ROBO2: variants seen among roughly 807,000 people sequenced by gnomAD.
ROBO2 encodes roundabout guidance receptor 2.
Under a neutral mutation model 160.8 loss-of-function variants are expected in ROBO2, and 53 were observed. That is an observed-to-expected ratio of 0.33 (90% CI 0.26 to 0.41). ROBO2 has a LOEUF of 0.41. Among genes scored for constraint, ROBO2 ranks in the 10% least tolerant of loss-of-function variants. The probability of loss-of-function intolerance (pLI) is 1.00; values close to 1 mark genes in which losing one functional copy is unlikely to be tolerated. For missense variants in ROBO2, 1,577 were observed against 1,722.4 expected, an observed-to-expected ratio of 0.92 and a Z score of 1.49; for synonymous variants, 664 against 611.7, an observed-to-expected ratio of 1.09 and a Z score of -1.26.
At chr3:77,627,566 A>G (rs1353356593) in intron 23 of ROBO2, among the ~76,000 whole-genome samples, 1 of 151,966 alleles carries the variant, frequency 6.6e-6, no homozygotes, top group African/African-American at 2.4e-5. Flanking sequence ...ATTACAGATG[A>G]TTACACATCC....
At chr3:75,937,083 A>G (rs1211049845) in intron 1 of ROBO2, among the ~76,000 whole-genome samples, 2 of 152,140 alleles carry the variant, frequency 1.3e-5, no homozygotes, top group Non-Finnish European at 2.9e-5. Context: ...CCTTTTGTAT[A>G]TATGTAGAGA....
chr3:76,201,627 T>A (rs759255571), intron 2 of ROBO2, among the ~76,000 whole-genome samples: 1 of 152,046 alleles, frequency 6.6e-6, no homozygotes, highest in African/African-American at 2.4e-5. Context: ...CTCTTCCCCA[T>A]CTGTTAATTT....
At chr3:77,077,176 T>C (rs1232706335) in intron 1 of ROBO2, among the ~76,000 whole-genome samples, 1 of 152,178 alleles carries the variant, frequency 6.6e-6, no homozygotes, top group Non-Finnish European at 1.5e-5. Context: ...ATACAAGCTT[T>C]TAAAATCTCA....
intron 2 of ROBO2, among the ~76,000 whole-genome samples, chr3:77,296,598 C>T (rs1452950992): frequency 6.6e-6 from 1 of 152,044 alleles, no homozygotes; most frequent in Non-Finnish European, 1.5e-5. Flanking sequence ...TCAGTGTATT[C>T]CCTGGACATT....
chr3:76,657,681 T>A (rs903197598), intron 2 of ROBO2, among the ~76,000 whole-genome samples: 2 of 118,524 alleles, frequency 1.7e-5, no homozygotes, highest in Admixed American at 8.1e-5. Flanking sequence ...TATATATACA[T>A]ATATGTGTGT....
At chr3:76,091,207 G>A (rs2069216556) in intron 2 of ROBO2, among the ~76,000 whole-genome samples, 1 of 152,106 alleles carries the variant, frequency 6.6e-6, no homozygotes, top group Admixed American at 6.5e-5. Flanking sequence ...ATACAGGACT[G>A]CTATCTAAAA....
At chr3:76,414,402 A>C (rs1040038867) in intron 2 of ROBO2, among the ~76,000 whole-genome samples, 1 of 152,048 alleles carries the variant, frequency 6.6e-6, no homozygotes, top group African/African-American at 2.4e-5. Context: ...TCTGGACTGA[A>C]TCTTCCAGGA....
intron 2 of ROBO2, among the ~76,000 whole-genome samples, chr3:76,860,581 A>G (rs1374213231): frequency 6.6e-6 from 1 of 152,254 alleles, no homozygotes; most frequent in African/African-American, 2.4e-5. Context: ...ACTAAAATGT[A>G]AGGACATTTA....
chr3:76,076,082 T>C (rs2068636460), intron 2 of ROBO2, among the ~76,000 whole-genome samples: 1 of 152,218 alleles, frequency 6.6e-6, no homozygotes, highest in Non-Finnish European at 1.5e-5. Context: ...TGACCAATAA[T>C]ATGTTGTCCT....
intron 2 of ROBO2, among the ~76,000 whole-genome samples, chr3:76,990,411 T>C (rs2060600826): frequency 6.6e-6 from 1 of 152,200 alleles, no homozygotes. Context: ...AGTTAGGAAA[T>C]CAACATATTA....
chr3:77,166,855 G>A (rs1013659065), intron 2 of ROBO2, among the ~76,000 whole-genome samples: 13 of 152,172 alleles, frequency 8.5e-5, no homozygotes, highest in Non-Finnish European at 1.3e-4. Flanking sequence ...CCCCGCGCCC[G>A]GCCGACACAG....
intron 2 of ROBO2, among the ~76,000 whole-genome samples, chr3:77,220,837 AATT>A (rs1360960907): frequency 1.3e-5 from 2 of 151,678 alleles, no homozygotes; most frequent in Admixed American, 1.3e-4. Context: ...AAAAAAGATG[AATT>A]ATTGTTGAAC....
At chr3:76,836,668 C>T (rs959044030) in intron 2 of ROBO2, among the ~76,000 whole-genome samples, 1 of 151,392 alleles carries the variant, frequency 6.6e-6, no homozygotes, top group Non-Finnish European at 1.5e-5. Context: ...ATTTAATTTT[C>T]AAATATTTGG....
At chr3:76,024,287 A>G (rs1159196160) in intron 2 of ROBO2, among the ~76,000 whole-genome samples, 1 of 151,564 alleles carries the variant, frequency 6.6e-6, no homozygotes, top group Non-Finnish European at 1.5e-5. Flanking sequence ...TATCGTTATG[A>G]AGGAGATGAA....
chr3:76,213,663 GA>G, intron 2 of ROBO2, among the ~76,000 whole-genome samples: 1 of 152,082 alleles, frequency 6.6e-6, no homozygotes, highest in East Asian at 1.9e-4. Flanking sequence ...GGAGCACATG[GA>G]AAAACAATGC....
At chr3:76,434,192 T>C (rs1319887314) in intron 2 of ROBO2, 30 of 1,114,406 alleles carry the variant, frequency 2.7e-5, no homozygotes, top group African/African-American at 1.5e-4. Context: ...GTAAAGAGAC[T>C]GGGGGAGACG....
intron 2 of ROBO2, among the ~76,000 whole-genome samples, chr3:76,723,056 A>G (rs1430161603): frequency 6.6e-6 from 1 of 152,208 alleles, no homozygotes; most frequent in Non-Finnish European, 1.5e-5. Context: ...TAAAATTAGA[A>G]TATGATTACT....
chr3:76,561,810 T>C (rs2084200804), intron 2 of ROBO2, among the ~76,000 whole-genome samples: 1 of 152,218 alleles, frequency 6.6e-6, no homozygotes, highest in African/African-American at 2.4e-5. Context: ...CACTTGCTCT[T>C]ACACTCCCTC....
At chr3:76,167,633 G>A (rs1277277265) in intron 2 of ROBO2, among the ~76,000 whole-genome samples, 1 of 152,066 alleles carries the variant, frequency 6.6e-6, no homozygotes, top group East Asian at 1.9e-4. Context: ...AGGAACTTCA[G>A]TTATAAGTTA....
Sources: gnomAD v4.1 joint callset for allele counts (sites outside exome capture counted in the v4.1 genomes callset) on GRCh38, gnomAD v4.1.1 for gene constraint, MANE v1.5 for transcripts, NCBI Gene and HGNC (gene_info 2026-07-23, HGNC 2026-07-21) for gene names.